SEPSECS: variants seen among roughly 807,000 people sequenced by gnomAD.
SEPSECS encodes O-phosphoseryl-tRNA(Sec) selenium transferase.
In SEPSECS, 42 loss-of-function variants were observed where a neutral mutation model predicts 52.1. That is an observed-to-expected ratio of 0.81 (90% CI 0.63 to 1.04). The LOEUF is 1.04. SEPSECS is among the 50% of genes least tolerant of loss of function. The pLI is 0.00. For missense variants in SEPSECS, 590 were observed against 610.6 expected (o/e 0.97, Z 0.36); for synonymous variants, 216 against 211.4 (o/e 1.02, Z -0.19).
chr4:25,140,941 G>A (rs2109017808), intron 8 of SEPSECS, among the ~76,000 whole-genome samples: 1 of 150,848 alleles, frequency 6.6e-6, no homozygotes, highest in East Asian at 1.9e-4. Flanking sequence ...AATTGCATCT[G>A]TGCTGAATAT....
chr4:25,144,723 G>C, intron 8 of SEPSECS, 51 bp downstream of exon 8: 1 of 1,279,256 alleles, frequency 7.8e-7, no homozygotes, highest in South Asian at 1.2e-5. Flanking sequence ...CAATGATTTG[G>C]AGCACAGTTC....
At chr4:25,137,367 GA>G (rs945977744) in intron 8 of SEPSECS, among the ~76,000 whole-genome samples, 4 of 151,814 alleles carry the variant, frequency 2.6e-5, no homozygotes, top group African/African-American at 7.3e-5. Flanking sequence ...AAATTTACAA[GA>G]AAAAAAATCA....
intron 6 of SEPSECS, among the ~76,000 whole-genome samples, chr4:25,145,428 T>C (rs1189299227): frequency 6.6e-6 from 1 of 152,222 alleles, no homozygotes; most frequent in Non-Finnish European, 1.5e-5. Flanking sequence ...AAAATGTTTT[T>C]AAGTATTAAA....
intron 3 of SEPSECS, 110 bp from the exon 4 acceptor site, chr4:25,156,305 G>A (rs1012962690): frequency 1.8e-4 from 177 of 1,001,428 alleles, no homozygotes; most frequent in Non-Finnish European, 2.4e-4. Flanking sequence ...TAGCCCTAGG[G>A]CTTCTGTTTC....
intron 10 of SEPSECS, among the ~76,000 whole-genome samples, 176 bp from the exon 11 acceptor site, chr4:25,124,401 T>C (rs769951049): frequency 2.0e-5 from 3 of 152,158 alleles, no homozygotes; most frequent in Non-Finnish European, 2.9e-5. Flanking sequence ...AATTCTATAA[T>C]ACACTGCTTT....
At chr4:25,142,945 T>C (rs3796793) in intron 8 of SEPSECS, among the ~76,000 whole-genome samples, 98,762 of 152,022 alleles carry the variant, frequency 0.65, 32,460 homozygotes, top group Non-Finnish European at 0.7. Flanking sequence ...ATAAAATCTT[T>C]AAAACTTTTC....
At chr4:25,150,298 C>A (rs1712221850) in intron 6 of SEPSECS, among the ~76,000 whole-genome samples, 1 of 152,166 alleles carries the variant, frequency 6.6e-6, no homozygotes, top group Non-Finnish European at 1.5e-5. Flanking sequence ...CATCATTATG[C>A]ACACAAACTA....
chr4:25,153,025 GTAGGAATACCAT>G (rs1712401355), intron 5 of SEPSECS, among the ~76,000 whole-genome samples: 1 of 151,850 alleles, frequency 6.6e-6, no homozygotes, highest in Non-Finnish European at 1.5e-5. Flanking sequence ...TTAACTGTAA[GTAGGAATACCAT>G]TATGTTCATC....
Position 25,159,470 on chromosome 4 carries a change from A to T in SEPSECS, c.115-363T>A, listed in dbSNP as rs115394488. 8.5e-4 allele frequency: 296 copies of T among 348,530 alleles called. 3 individuals carry two copies. The highest frequency in any genetic ancestry group is 6.1e-3 in the African/African-American group (277 of 45,416). 21.6% of individuals were successfully genotyped at this position (348,530 alleles called of 1,614,324 possible). ...CGTGGAGAAGGGCGGTAGTTGTCAA[A>T]CTTCAGTGAAATTTTGGCCACGCGC... On this transcript the variant is annotated intron_variant, in intron 1 of 10. Transcript: ENST00000382103.
At position 25,155,089 on chromosome 4, in the gene SEPSECS, C is replaced by T. The variant is rs772821993; in HGVS notation, c.610G>A (p.Ala204Thr). 2.5e-6 allele frequency: 4 copies of T among 1,614,172 alleles called. No individual in the cohort carries two copies. The South Asian group carries it at 4.4e-5, about 18-fold the overall frequency. The change falls in exon 5 of 11, where the codon GCA becomes ACA. Residue 204 changes from alanine (A) to threonine (T), a missense_variant. Physicochemically the swap from Ala to Thr is moderately conservative, Grantham distance 58 (BLOSUM62 0). Transcript: ENST00000382103. ...AGTTCCTGGACTTTAGCCTCCACTG[C>T]TTTCAGGTCTGTACGCAGCTCGTCA... Reference protein sequence around the residue: ...EGDELRTDLKAVEAKVQELGP... With the variant: ...EGDELRTDLKTVEAKVQELGP...
At chr4:25,139,571 A>T (rs1364603865) in intron 8 of SEPSECS, among the ~76,000 whole-genome samples, 2 of 151,940 alleles carry the variant, frequency 1.3e-5, no homozygotes, top group African/African-American at 4.8e-5. Flanking sequence ...TTTTTAGTAA[A>T]GACAGGGTTT....
intron 8 of SEPSECS, among the ~76,000 whole-genome samples, chr4:25,142,808 ATTACAGGCCAG>A (rs1446612866): frequency 6.6e-6 from 1 of 152,246 alleles, no homozygotes; most frequent in Non-Finnish European, 1.5e-5. Flanking sequence ...GGATTACTAA[ATTACAGGCCAG>A]TTCCCATGAT....
At chr4:25,126,283 AC>A (rs1291413409) in intron 9 of SEPSECS, among the ~76,000 whole-genome samples, 1 of 152,100 alleles carries the variant, frequency 6.6e-6, no homozygotes, top group African/African-American at 2.4e-5. Flanking sequence ...CACAATCTCA[AC>A]CAATCATTTA....
chr4:25,136,100 C>A (rs1161997311), intron 8 of SEPSECS, among the ~76,000 whole-genome samples: 1 of 152,162 alleles, frequency 6.6e-6, no homozygotes, highest in Non-Finnish European at 1.5e-5. Flanking sequence ...CAATATCATA[C>A]TGAATGGGCA....
chr4:25,140,499 G>T (rs1482533559), intron 8 of SEPSECS, among the ~76,000 whole-genome samples: 2 of 151,990 alleles, frequency 1.3e-5, no homozygotes, highest in African/African-American at 4.8e-5. Context: ...CCTAGATTTC[G>T]GTCCATATTC....
chr4:25,152,097 C>A (rs767392859), intron 5 of SEPSECS, 35 bp from the exon 6 acceptor site: 11 of 1,204,678 alleles, frequency 9.1e-6, no homozygotes, highest in African/African-American at 1.5e-5. Context: ...AAGACATACT[C>A]ACACTGTGTT....
intron 1 of SEPSECS, 30 bp downstream of exon 1, chr4:25,160,226 C>T: frequency 6.5e-7 from 1 of 1,548,562 alleles, no homozygotes; most frequent in Middle Eastern, 1.8e-4. Context: ...GGGGTCGCGG[C>T]GGCTGGGGAG....
At chr4:25,142,193 C>G (rs1356232384) in intron 8 of SEPSECS, among the ~76,000 whole-genome samples, 1 of 152,162 alleles carries the variant, frequency 6.6e-6, no homozygotes, top group Admixed American at 6.5e-5. Flanking sequence ...AGGAGAATAA[C>G]TTGAGCCCGG....
intron 8 of SEPSECS, among the ~76,000 whole-genome samples, chr4:25,136,981 A>T (rs1422343159): frequency 6.6e-6 from 1 of 152,224 alleles, no homozygotes; most frequent in Non-Finnish European, 1.5e-5. Context: ...TCTCTATTTA[A>T]TAAATGGTGC....
Sources: gnomAD v4.1 joint callset for allele counts (sites outside exome capture counted in the v4.1 genomes callset) on GRCh38, gnomAD v4.1.1 for gene constraint, MANE v1.5 for transcripts, NCBI Gene and HGNC (gene_info 2026-07-23, HGNC 2026-07-21) for gene names.